Variants in SYT16 observed in about 807,000 individuals in gnomAD.
SYT16 encodes the protein synaptotagmin-16.
A neutral mutation model predicts 61.4 loss-of-function variants in SYT16; 42 were observed. The ratio of observed to expected loss-of-function variants is 0.68; its 90% confidence interval spans 0.53 to 0.89. The LOEUF is 0.89. Ranked by LOEUF, SYT16 falls within the 40% of genes least tolerant of loss-of-function variation. The pLI, the probability that SYT16 is intolerant of heterozygous loss-of-function variation, is 0.00. For missense variants in SYT16, 804 were observed against 807.3 expected (o/e 1.00, Z 0.05); for synonymous variants, 314 against 302.3 (o/e 1.04, Z -0.40).
At chr14:62,061,706 A>C (rs1456272281) in intron 3 of SYT16, among the ~76,000 whole-genome samples, 2 of 152,166 alleles carry the variant, frequency 1.3e-5, no homozygotes, top group Non-Finnish European at 2.9e-5. Context: ...ACAAAATTGT[A>C]AGTGTGTATG....
At chr14:61,893,795 A>C (rs2048221604) in intron 1 of SYT16, among the ~76,000 whole-genome samples, 1 of 152,184 alleles carries the variant, frequency 6.6e-6, no homozygotes, top group Admixed American at 6.5e-5. Flanking sequence ...GGCTCAGGCA[A>C]CTTGATTGTG....
chr14:61,890,422 G>A (rs2048078127), intron 1 of SYT16, among the ~76,000 whole-genome samples: 2 of 151,868 alleles, frequency 1.3e-5, no homozygotes, highest in Admixed American at 6.6e-5. Context: ...AAAGTGGAGG[G>A]GCTATATTTG....
intron 1 of SYT16, among the ~76,000 whole-genome samples, chr14:61,827,735 G>A (rs934068387): frequency 1.3e-5 from 2 of 152,002 alleles, no homozygotes; most frequent in African/African-American, 4.8e-5. Context: ...ATGTTTTTAA[G>A]TGGAGTAGGA....
Position 62,016,178 on chromosome 14 carries a change from A to G in SYT16, c.523+19636A>G, listed in dbSNP as rs115277770. Among the ~76,000 whole-genome samples the G allele has an allele frequency of 9.3e-3, 1,418 of 152,054 alleles. 16 individuals carry two copies. Among genetic ancestry groups the G allele is most frequent in the African/African-American group, 0.033 (1,365 of 41,454 alleles). ...AAGGGAGCAGTAACTCTTCTCTGGC[A>G]CTCCAGCTATGGAAATGAAGTCATG... On this transcript the variant is annotated intron_variant, in intron 3 of 7. Coordinates refer to ENST00000683842, the MANE Select transcript of SYT16 (RefSeq NM_001367656.1).
At chr14:61,994,796 TAATC>T (rs2052697062) in intron 2 of SYT16, among the ~76,000 whole-genome samples, 1 of 152,208 alleles carries the variant, frequency 6.6e-6, no homozygotes, top group African/African-American at 2.4e-5. Flanking sequence ...ATTTAATAGA[TAATC>T]AATATTTGTT....
At chr14:61,922,834 G>GT (rs1829833860) in intron 1 of SYT16, among the ~76,000 whole-genome samples, 1 of 152,212 alleles carries the variant, frequency 6.6e-6, no homozygotes, top group Admixed American at 6.5e-5. Context: ...CCGATCACAA[G>GT]GTCAGGAGTT....
intron 1 of SYT16, among the ~76,000 whole-genome samples, chr14:61,932,830 G>T (rs2049830141): frequency 6.6e-6 from 1 of 152,126 alleles, no homozygotes; most frequent in African/African-American, 2.4e-5. Context: ...ATTTTATATG[G>T]CAGGGAGTGA....
intron 5 of SYT16, among the ~76,000 whole-genome samples, chr14:62,077,425 G>A (rs2056535705): frequency 3.3e-5 from 5 of 152,224 alleles, no homozygotes; most frequent in Admixed American, 3.3e-4. Flanking sequence ...GAAGGCCTTT[G>A]GCTTTTTCCT....
intron 3 of SYT16, among the ~76,000 whole-genome samples, chr14:62,045,721 C>G (rs796363466): frequency 1.3e-5 from 2 of 152,092 alleles, no homozygotes; most frequent in East Asian, 3.9e-4. Context: ...TTTGTCCTTG[C>G]AATAGTTTGC....
Position 62,098,078 on chromosome 14 carries a change from G to A in SYT16, c.1625-2316G>A, listed in dbSNP as rs17099515. 5.4e-3 allele frequency among the ~76,000 whole-genome samples: 822 copies of A among 152,302 alleles called. 7 individuals are homozygous for A. The highest frequency in any genetic ancestry group is 0.019 in the African/African-American group (783 of 41,556). On this transcript the variant is annotated intron_variant, in intron 7 of 7. Coordinates refer to ENST00000683842, the MANE Select transcript of SYT16 (RefSeq NM_001367656.1). ...ACCTTGTGTTTCTCAGCAGATAAGT[G>A]CATAAAATAACACATCAAACTGAAA...
At chr14:62,007,479 A>T (rs1305845511) in intron 3 of SYT16, among the ~76,000 whole-genome samples, 1 of 152,116 alleles carries the variant, frequency 6.6e-6, no homozygotes, top group Middle Eastern at 3.2e-3. Flanking sequence ...TTTGATTTGC[A>T]TGTTTTAGCA....
At chr14:61,883,359 A>G (rs947553659) in intron 1 of SYT16, among the ~76,000 whole-genome samples, 11 of 152,170 alleles carry the variant, frequency 7.2e-5, no homozygotes, top group Admixed American at 6.5e-4. Flanking sequence ...AATTTATTCT[A>G]CCAGATACCC....
intron 3 of SYT16, among the ~76,000 whole-genome samples, chr14:62,039,698 A>G (rs75293221): frequency 2.0e-5 from 3 of 152,126 alleles, no homozygotes; most frequent in Non-Finnish European, 4.4e-5. Context: ...CCAAGATTTC[A>G]TAATTATGTG....
chr14:62,087,696 C>T (rs1039977582), intron 7 of SYT16, among the ~76,000 whole-genome samples: 2 of 152,112 alleles, frequency 1.3e-5, no homozygotes, highest in African/African-American at 4.8e-5. Context: ...CAACCTGACC[C>T]GGTTAGATAA....
chr14:62,071,593 A>G (rs2056302607), intron 4 of SYT16, among the ~76,000 whole-genome samples: 3 of 152,224 alleles, frequency 2.0e-5, no homozygotes, highest in Admixed American at 1.3e-4. Flanking sequence ...CGCCATGGAA[A>G]TGTTAACATG....
chr14:62,081,105 A>T lies in SYT16; in HGVS notation c.1265A>T (p.Lys422Met), dbSNP rs774587398. ...PVFREKVTFA[K>M]LEPRDVAACA... ...TTCAGGGAGAAGGTCACCTTTGCCA[A>T]GCTGGAGCCCAGAGATGTGGCTGCC... Residue 422 changes from lysine (K) to methionine (M), a missense_variant, in exon 6 of 8, where the codon AAG becomes ATG. By Grantham distance (95) the Lys-to-Met change is moderately conservative. Coordinates refer to ENST00000683842, the MANE Select transcript of SYT16 (RefSeq NM_001367656.1). The T allele has an allele frequency of 6.2e-7, 1 of 1,613,944 alleles. No homozygotes were observed. Among genetic ancestry groups the T allele is most frequent in the Non-Finnish European group, 8.5e-7 (1 of 1,179,860 alleles).
At chr14:61,959,384 G>A (rs1317047213) in intron 1 of SYT16, among the ~76,000 whole-genome samples, 2 of 151,346 alleles carry the variant, frequency 1.3e-5, no homozygotes, top group Non-Finnish European at 2.9e-5. Context: ...TTTTATAGTG[G>A]TATGCTTTGA....
intron 1 of SYT16, among the ~76,000 whole-genome samples, chr14:61,835,947 C>T (rs184023979): frequency 6.9e-4 from 105 of 152,254 alleles, no homozygotes; most frequent in Admixed American, 2.7e-3. Context: ...TGGCCTAGAA[C>T]GGTGGTTTAC....
At chr14:62,061,527 C>T (rs776091818) in intron 3 of SYT16, among the ~76,000 whole-genome samples, 8 of 151,944 alleles carry the variant, frequency 5.3e-5, no homozygotes, top group South Asian at 2.1e-4. Context: ...TAAACACAGA[C>T]GGGTTGAAAA....
Sources: gnomAD v4.1 joint callset for allele counts (sites outside exome capture counted in the v4.1 genomes callset) on GRCh38, gnomAD v4.1.1 for gene constraint, MANE v1.5 for transcripts, NCBI Gene and HGNC (gene_info 2026-07-23, HGNC 2026-07-21) for gene names.